Variants in CMTM7 observed in about 807,000 individuals in gnomAD.
CMTM7 encodes the protein CKLF like MARVEL transmembrane domain containing 7, also known as CKLF-like MARVEL transmembrane domain-containing protein 7.
Under a neutral mutation model 19.3 loss-of-function variants are expected in CMTM7, and 7 were observed. The observed-to-expected ratio is 0.36, with a 90% CI of 0.21 to 0.68. The LOEUF (loss-of-function observed/expected upper bound fraction) is 0.68. Among genes scored for constraint, CMTM7 ranks in the 30% least tolerant of loss-of-function variants. The pLI is 0.60. For synonymous variants in CMTM7, 87 were observed against 99.3 expected (o/e 0.88, Z 0.74); for missense variants, 193 against 232.6 (o/e 0.83, Z 1.11).
At chr3:32,394,080 T>C (rs1327217688) in intron 1 of CMTM7, among the ~76,000 whole-genome samples, 1 of 152,254 alleles carries the variant, frequency 6.6e-6, no homozygotes, top group Non-Finnish European at 1.5e-5. Flanking sequence ...CCATCACTGC[T>C]GCAGGCTTGT....
chr3:32,393,469 T>G (rs1285299711), intron 1 of CMTM7, among the ~76,000 whole-genome samples: 1 of 152,138 alleles, frequency 6.6e-6, no homozygotes, highest in Non-Finnish European at 1.5e-5. Context: ...AGGGATGAGT[T>G]TGGTAGACAG....
At chr3:32,438,437 C>G (rs1696629207) in intron 1 of CMTM7, among the ~76,000 whole-genome samples, 1 of 151,928 alleles carries the variant, frequency 6.6e-6, no homozygotes, top group Non-Finnish European at 1.5e-5. Flanking sequence ...CAGAAGTTAC[C>G]TACTGGCTTT....
intron 1 of CMTM7, among the ~76,000 whole-genome samples, chr3:32,420,271 G>A (rs570591206): frequency 6.6e-6 from 1 of 152,358 alleles, no homozygotes; most frequent in South Asian, 2.1e-4. Context: ...AGCAGAGCCT[G>A]CTTCATGGGG....
At chr3:32,453,491 C>T (rs757289913) in intron 4 of CMTM7, among the ~76,000 whole-genome samples, 20 of 152,156 alleles carry the variant, frequency 1.3e-4, no homozygotes, top group African/African-American at 2.4e-4. Context: ...TTAGCAACTC[C>T]GTGGGTTGCA....
At chr3:32,410,860 T>C (rs1696162948) in intron 1 of CMTM7, among the ~76,000 whole-genome samples, 1 of 152,212 alleles carries the variant, frequency 6.6e-6, no homozygotes. Context: ...TGTCAGCTCA[T>C]CAAGCTCTCA....
At chr3:32,393,479 G>A (rs1301434489) in intron 1 of CMTM7, among the ~76,000 whole-genome samples, 1 of 152,204 alleles carries the variant, frequency 6.6e-6, no homozygotes, top group Non-Finnish European at 1.5e-5. Context: ...TTGGTAGACA[G>A]AGAATGGGAT....
intron 1 of CMTM7, among the ~76,000 whole-genome samples, chr3:32,439,527 C>T (rs6806002): frequency 0.13 from 20,312 of 152,194 alleles, 1,518 homozygotes; most frequent in Middle Eastern, 0.18. Context: ...GATAATAGCT[C>T]ACTGCAACCT....
At chr3:32,412,166 G>A (rs1389098818) in intron 1 of CMTM7, among the ~76,000 whole-genome samples, 3 of 151,824 alleles carry the variant, frequency 2.0e-5, no homozygotes, top group African/African-American at 7.3e-5. Context: ...TGATGCAGTG[G>A]GCATGTTAAT....
chr3:32,406,560 T>G (rs1441042244), intron 1 of CMTM7, among the ~76,000 whole-genome samples: 2 of 152,158 alleles, frequency 1.3e-5, no homozygotes, highest in African/African-American at 4.8e-5. Flanking sequence ...CATATCCCAC[T>G]CAAATTTCTT....
intron 3 of CMTM7, chr3:32,452,137 CA>C: frequency 6.8e-7 from 1 of 1,479,980 alleles, no homozygotes; most frequent in Non-Finnish European, 9.0e-7. Flanking sequence ...CTGAAGCTGC[CA>C]AGAGTGAAGA....
rs11717165 is a variant in CMTM7, at chr3:32,391,967, G to C, written c.61G>C (p.Gly21Arg). 4,860 of 1,231,524 alleles carry C rather than the reference G, an allele frequency of 3.9e-3. 16 individuals carry two copies. Among genetic ancestry groups the C allele is most frequent in the Non-Finnish European group, 4.6e-3 (4,510 of 986,470 alleles). 76.3% of individuals were successfully genotyped at this position (1,231,524 alleles called of 1,614,324 possible). ...CAGCAGCGGCAGCGCGCTCGGACCC[G>C]GGGCCGGCGCGGCCCAGCCCAGCGC... Reference protein sequence around the residue: ...TCSSGSALGPGAGAAQPSASP... With the variant: ...TCSSGSALGPRAGAAQPSASP... Residue 21 changes from glycine (G) to arginine (R), a missense_variant, in exon 1 of 5, where the codon GGG becomes CGG. Gly to Arg is a moderately radical substitution (Grantham distance 125). Coordinates refer to ENST00000334983, the MANE Select transcript of CMTM7 (RefSeq NM_138410.4).
At chr3:32,396,543 G>A (rs1357632041) in intron 1 of CMTM7, among the ~76,000 whole-genome samples, 3 of 152,020 alleles carry the variant, frequency 2.0e-5, no homozygotes, top group Non-Finnish European at 4.4e-5. Context: ...TGGTGATGGT[G>A]ATGTTGCACA....
chr3:32,441,614 GTC>G (rs1696676875), intron 1 of CMTM7, among the ~76,000 whole-genome samples: 1 of 152,236 alleles, frequency 6.6e-6, no homozygotes, highest in East Asian at 1.9e-4. Context: ...GACGAAGTCA[GTC>G]TCTGCTGTCA....
chr3:32,413,944 T>C (rs1476093755), intron 1 of CMTM7, among the ~76,000 whole-genome samples: 1 of 152,148 alleles, frequency 6.6e-6, no homozygotes, highest in Non-Finnish European at 1.5e-5. Context: ...TCACCCAAGA[T>C]GATGCCTAAC....
chr3:32,401,734 T>A (rs1382073266), intron 1 of CMTM7, among the ~76,000 whole-genome samples: 1 of 152,238 alleles, frequency 6.6e-6, no homozygotes, highest in African/African-American at 2.4e-5. Context: ...TCTTTGTTAC[T>A]ACTTTGGCTC....
chr3:32,394,332 T>G (rs1695883937), intron 1 of CMTM7, among the ~76,000 whole-genome samples: 1 of 152,198 alleles, frequency 6.6e-6, no homozygotes, highest in Non-Finnish European at 1.5e-5. Flanking sequence ...ATTGGGGCTT[T>G]CTTTCTATGG....
Position 32,447,917 on chromosome 3 carries a change from C to T in CMTM7, c.334-1537C>T, listed in dbSNP as rs150728999. Among the ~76,000 whole-genome samples the T allele has an allele frequency of 3.3e-3, 496 of 152,320 alleles. 4 individuals are homozygous for T. Among genetic ancestry groups the T allele is most frequent in the African/African-American group, 0.011 (477 of 41,578 alleles). The stretch of plus-strand genomic sequence containing the variant: ...ATTGTTTAATTGTTCACACTTAACA[C>T]TATTACCCACTGTTATTTTGAGAGA... On this transcript the variant is annotated intron_variant, in intron 2 of 4. Coordinates refer to ENST00000334983, the MANE Select transcript of CMTM7 (RefSeq NM_138410.4).
chr3:32,421,162 C>T (rs1408451755), intron 1 of CMTM7, among the ~76,000 whole-genome samples: 1 of 152,134 alleles, frequency 6.6e-6, no homozygotes, highest in Non-Finnish European at 1.5e-5. Context: ...TACAAACTGA[C>T]TTCTGTGTCT....
intron 1 of CMTM7, among the ~76,000 whole-genome samples, chr3:32,403,895 C>A (rs1696048616): frequency 6.6e-6 from 1 of 152,048 alleles, no homozygotes; most frequent in Non-Finnish European, 1.5e-5. Context: ...ATGACTTCAT[C>A]CTTTGCCAGA....
Sources: allele counts gnomAD v4.1 joint callset (sites outside exome capture counted in the v4.1 genomes callset), GRCh38; gene constraint gnomAD v4.1.1; transcripts MANE v1.5; gene names NCBI Gene and HGNC (gene_info 2026-07-23, HGNC 2026-07-21).